CDH17: variants seen among roughly 807,000 people sequenced by gnomAD.
CDH17 encodes the protein cadherin 17.
In CDH17, 67 loss-of-function variants were observed where a neutral mutation model predicts 86.3. The ratio of observed to expected loss-of-function variants is 0.78; its 90% CI spans 0.64 to 0.95. CDH17 has a LOEUF of 0.95. CDH17 is among the 40% of genes least tolerant of loss of function. The pLI, the probability that CDH17 is intolerant of heterozygous loss-of-function variation, is 0.00. For synonymous variants in CDH17, 367 were observed against 366.4 expected (o/e 1.00, Z -0.02); for missense variants, 993 against 1,017.6 (o/e 0.98, Z 0.33).
chr8:94,147,496 G>A (rs1812766650), intron 14 of CDH17, among the ~76,000 whole-genome samples: 1 of 152,072 alleles, frequency 6.6e-6, no homozygotes, highest in Admixed American at 6.6e-5. Context: ...TTTTTCCGGG[G>A]CTGTGGTGGG....
chr8:94,213,450 C>T (rs1223801494), upstream of CDH17, among the ~76,000 whole-genome samples: 3 of 152,226 alleles, frequency 2.0e-5, no homozygotes, highest in African/African-American at 7.2e-5. Context: ...ATGATGCAGT[C>T]GGTCTGATGT....
At chr8:94,212,722 T>C (rs772874006), upstream of CDH17, among the ~76,000 whole-genome samples, 23 of 152,230 alleles carry the variant, frequency 1.5e-4, no homozygotes, top group Non-Finnish European at 3.1e-4. Flanking sequence ...CTATCTACTC[T>C]GACAGAAGTG....
intron 12 of CDH17, among the ~76,000 whole-genome samples, chr8:94,152,431 G>C (rs1044842386): frequency 6.6e-6 from 1 of 152,134 alleles, no homozygotes; most frequent in African/African-American, 2.4e-5. Flanking sequence ...CTGTCACCCA[G>C]CCTTGAGCCT....
At chr8:94,128,373 G>T in intron 17 of CDH17, 33 bp from the exon 18 acceptor site, 1 of 1,329,516 alleles carries the variant, frequency 7.5e-7, no homozygotes, top group South Asian at 1.2e-5. Flanking sequence ...AAATAAATGG[G>T]ACCTTTTAAA....
intron 15 of CDH17, among the ~76,000 whole-genome samples, chr8:94,144,361 T>C (rs1423235044): frequency 6.6e-6 from 1 of 151,902 alleles, no homozygotes; most frequent in Non-Finnish European, 1.5e-5. Context: ...AATGAAAAAG[T>C]TTAAGAATTA....
intron 1 of CDH17, among the ~76,000 whole-genome samples, chr8:94,204,014 G>A (rs1237667834): frequency 6.6e-6 from 1 of 152,138 alleles, no homozygotes; most frequent in African/African-American, 2.4e-5. Flanking sequence ...TAGGGAAGAT[G>A]GGCTCACGGG....
At position 94,170,426 on chromosome 8, in the gene CDH17, A is replaced by G. The variant is rs772025811; in HGVS notation, c.1037T>C (p.Val346Ala). The change falls in exon 9 of 18, where the codon GTA becomes GCA. Residue 346 changes from valine to alanine, a missense_variant. Coordinates refer to ENST00000027335, the MANE Select transcript of CDH17 (RefSeq NM_004063.4). Reference protein sequence around the residue: ...NPPTCPSPVTVFEVQENERLG... With the variant: ...NPPTCPSPVTAFEVQENERLG... ...TCGTTCATTCTCCTGGACCTCAAAT[A>G]CGGTTACTGGTGACGGACATGTAGG... 4 of 1,613,640 alleles carry G rather than the reference A, an allele frequency of 2.5e-6. No homozygotes were observed. The highest frequency in any genetic ancestry group is 3.3e-5 in the Admixed American group (2 of 59,986).
intron 15 of CDH17, among the ~76,000 whole-genome samples, chr8:94,143,670 A>C (rs779685274): frequency 2.0e-5 from 3 of 152,174 alleles, no homozygotes; most frequent in Non-Finnish European, 4.4e-5. Flanking sequence ...TTCTGCATCA[A>C]TTTGCTGCAT....
intron 3 of CDH17, among the ~76,000 whole-genome samples, chr8:94,185,779 T>A (rs545027850): frequency 6.6e-6 from 1 of 152,342 alleles, no homozygotes; most frequent in South Asian, 2.1e-4. Context: ...AGGAAAATTA[T>A]AAAATCTAGT....
At chr8:94,167,496 A>G (rs2514807) in intron 9 of CDH17, among the ~76,000 whole-genome samples, 28,218 of 152,256 alleles carry the variant, frequency 0.19, 3,186 homozygotes, top group Non-Finnish European at 0.24. Context: ...TGTCTACAGT[A>G]GAGCTGGACA....
intron 2 of CDH17, among the ~76,000 whole-genome samples, chr8:94,191,182 C>A (rs1388962361): frequency 2.6e-5 from 4 of 152,140 alleles, no homozygotes; most frequent in African/African-American, 7.2e-5. Flanking sequence ...TTGTGGCTGC[C>A]ATTGCCCTTT....
chr8:94,142,809 T>A (rs1812665656), intron 15 of CDH17, among the ~76,000 whole-genome samples: 1 of 152,214 alleles, frequency 6.6e-6, no homozygotes, highest in South Asian at 2.1e-4. Flanking sequence ...TCCAGTTTGA[T>A]CATGAGAGTG....
In CDH17 at chr8:94,177,730, A is replaced by G; in HGVS notation, c.151-9T>C. 1 of 1,612,944 alleles carries G rather than the reference A, an allele frequency of 6.2e-7. No individual in the cohort carries two copies. The highest frequency in any genetic ancestry group is 8.5e-7 in the Non-Finnish European group (1 of 1,179,454). The stretch of plus-strand genomic sequence containing the variant: ...GGAGGATTGGCCTTAAACTGGGGAA[A>G]AAGCAAAAAACAGATTAAGTTGTAA... On this transcript the variant is annotated splice_polypyrimidine_tract_variant and intron_variant, in intron 3 of 17. Coordinates refer to ENST00000027335, the MANE Select transcript of CDH17 (RefSeq NM_004063.4).
At chr8:94,130,530 GCAGC>G in intron 17 of CDH17, 92 bp downstream of exon 17, 1 of 749,624 alleles carries the variant, frequency 1.3e-6, no homozygotes, top group Non-Finnish European at 2.2e-6. Context: ...TGCCATTTGA[GCAGC>G]CACCAGACCA....
rs1487555916 is a variant in CDH17, at chr8:94,139,896, AAAT to A, written c.2167+6029_2167+6031del. Among the ~76,000 whole-genome samples the A allele has an allele frequency of 4.4e-4, 52 of 116,932 alleles. 1 individual carries two copies. Among genetic ancestry groups the A allele is most frequent in the Middle Eastern group, 4.0e-3 (1 of 248 alleles). 76.7% of individuals were successfully genotyped at this position (116,932 alleles called of 152,430 possible). ...AGTAAGACTGTCTCCAAAAAATAAAAAATAAATAAAAAAAAAGGGGGGGTGGTG... is the reference window on the plus strand; with the variant it reads ...AGTAAGACTGTCTCCAAAAAATAAAAAAATAAAAAAAAAGGGGGGGTGGTG... On this transcript the variant is annotated intron_variant, in intron 15 of 17. Transcript: ENST00000027335.
At chr8:94,199,371 A>G (rs1483870258) in intron 1 of CDH17, among the ~76,000 whole-genome samples, 1 of 152,090 alleles carries the variant, frequency 6.6e-6, no homozygotes, top group Admixed American at 6.5e-5. Context: ...TGTTGATGAA[A>G]AGAGTTGTTT....
At chr8:94,145,024 T>C (rs2130590071) in intron 15 of CDH17, among the ~76,000 whole-genome samples, 1 of 152,350 alleles carries the variant, frequency 6.6e-6, no homozygotes, top group South Asian at 2.1e-4. Context: ...GGGAGAATGC[T>C]GAGCAACTGG....
At chr8:94,190,991 C>T (rs928738343) in intron 2 of CDH17, among the ~76,000 whole-genome samples, 4 of 152,192 alleles carry the variant, frequency 2.6e-5, no homozygotes, top group African/African-American at 9.7e-5. Context: ...CCCTGGGCCA[C>T]TGCCAAGCCC....
chr8:94,154,305 C>T (rs955548550), intron 12 of CDH17, among the ~76,000 whole-genome samples: 12 of 152,140 alleles, frequency 7.9e-5, no homozygotes, highest in African/African-American at 2.9e-4. Context: ...AACTGGAACA[C>T]GGAAGTCCTC....
Sources: allele counts gnomAD v4.1 joint callset (sites outside exome capture counted in the v4.1 genomes callset), GRCh38; gene constraint gnomAD v4.1.1; transcripts MANE v1.5; gene names NCBI Gene and HGNC (gene_info 2026-07-23, HGNC 2026-07-21).